The following PDE1C variants were observed in gnomAD, a reference collection of about 807,000 sequenced individuals.
PDE1C encodes dual specificity calcium/calmodulin-dependent 3',5'-cyclic nucleotide phosphodiesterase 1C.
In PDE1C, 62 loss-of-function variants were observed where a neutral mutation model predicts 93.1. The observed-to-expected ratio is 0.67, with a 90% CI of 0.54 to 0.82. PDE1C has a LOEUF of 0.82. PDE1C is among the 40% of genes least tolerant of loss of function. The pLI is 0.00. For missense variants in PDE1C, 742 were observed against 884.6 expected, an observed-to-expected ratio of 0.84 and a Z score of 2.04; for synonymous variants, 325 against 310.1, an observed-to-expected ratio of 1.05 and a Z score of -0.50.
At chr7:32,164,439 A>G (rs1439689563) in intron 3 of PDE1C, among the ~76,000 whole-genome samples, 1 of 152,156 alleles carries the variant, frequency 6.6e-6, no homozygotes, top group East Asian at 1.9e-4. Context: ...TTCACCAACA[A>G]CAAATCTAGA....
intron 1 of PDE1C, among the ~76,000 whole-genome samples, chr7:32,332,151 T>TAC (rs919788276): frequency 5.3e-5 from 8 of 151,912 alleles, no homozygotes; most frequent in East Asian, 3.9e-4. Context: ...GAAATCATTA[T>TAC]ACACACACAC....
intron 1 of PDE1C, among the ~76,000 whole-genome samples, chr7:32,314,914 A>C (rs1464594850): frequency 6.6e-6 from 1 of 151,468 alleles, no homozygotes; most frequent in Non-Finnish European, 1.5e-5. Context: ...TTCACCTCAA[A>C]TTGGACAATA....
chr7:31,650,520 T>C, the PDE1C span, among the ~76,000 whole-genome samples: 3 of 152,232 alleles, frequency 2.0e-5, no homozygotes, highest in African/African-American at 7.2e-5. Context: ...ATTAAAAGCG[T>C]AGACAAAGTT....
At chr7:32,383,875 C>T (rs1297372502) in intron 1 of PDE1C, among the ~76,000 whole-genome samples, 2 of 152,212 alleles carry the variant, frequency 1.3e-5, no homozygotes, top group African/African-American at 2.4e-5. Context: ...TGGCAAGTTG[C>T]TTAACTTCTC....
upstream of PDE1C, chr7:32,071,353 G>T (rs1796041935): frequency 2.0e-6 from 2 of 985,412 alleles, no homozygotes; most frequent in Non-Finnish European, 2.4e-6. Flanking sequence ...CCACAGAACC[G>T]GATCCATTTT....
chr7:31,906,699 G>GT (rs1160642382), intron 2 of PDE1C, among the ~76,000 whole-genome samples: 1 of 152,166 alleles, frequency 6.6e-6, no homozygotes, highest in Non-Finnish European at 1.5e-5. Flanking sequence ...TAGCCCAGGA[G>GT]TCTAGCATGT....
At chr7:32,255,036 C>A (rs1809681565) in intron 1 of PDE1C, among the ~76,000 whole-genome samples, 1 of 152,184 alleles carries the variant, frequency 6.6e-6, no homozygotes, top group Admixed American at 6.5e-5. Flanking sequence ...AAACATGAAC[C>A]TTTCCCCATT....
intron 1 of PDE1C, among the ~76,000 whole-genome samples, chr7:32,230,944 T>C (rs533740813): frequency 6.6e-6 from 1 of 152,320 alleles, no homozygotes; most frequent in East Asian, 1.9e-4. Context: ...TGGAGTCCAA[T>C]TTTTATAAAG....
chr7:31,961,305 T>C (rs1380880153), intron 2 of PDE1C, among the ~76,000 whole-genome samples: 2 of 151,878 alleles, frequency 1.3e-5, no homozygotes, highest in African/African-American at 4.8e-5. Flanking sequence ...TATGCACACA[T>C]ATATTTACAC....
At chr7:32,263,748 AC>A (rs1810387777) in intron 1 of PDE1C, among the ~76,000 whole-genome samples, 1 of 151,854 alleles carries the variant, frequency 6.6e-6, no homozygotes, top group African/African-American at 2.4e-5. Context: ...TTAAGAATAC[AC>A]CCTCCCCCCA....
exon 1 of PDE1C, chr7:32,299,243 G>A: frequency 7.1e-6 from 7 of 987,842 alleles, no homozygotes; most frequent in Non-Finnish European, 8.4e-6. Flanking sequence ...GGCAGACCGG[G>A]GAGCTTCCAG....
At chr7:32,121,087 C>T (rs1256878250) in intron 3 of PDE1C, among the ~76,000 whole-genome samples, 1 of 152,008 alleles carries the variant, frequency 6.6e-6, no homozygotes, top group Non-Finnish European at 1.5e-5. Flanking sequence ...GAAGCATACA[C>T]AAGTATCAAT....
At chr7:31,654,378 G>C in the PDE1C span, among the ~76,000 whole-genome samples, 5 of 152,190 alleles carry the variant, frequency 3.3e-5, no homozygotes, top group African/African-American at 1.2e-4. Context: ...GAGGGGATCG[G>C]TCAGACTATA....
intron 1 of PDE1C, among the ~76,000 whole-genome samples, chr7:32,234,721 A>G (rs1807947825): frequency 6.6e-6 from 1 of 151,990 alleles, no homozygotes; most frequent in South Asian, 2.1e-4. Flanking sequence ...ATTCTACACA[A>G]TTTCTTCCAG....
intron 1 of PDE1C, among the ~76,000 whole-genome samples, chr7:32,335,869 T>C (rs1044957682): frequency 2.9e-4 from 44 of 152,032 alleles, no homozygotes; most frequent in Admixed American, 2.7e-3. Flanking sequence ...TCTGGGTCCA[T>C]AGGCATGCAC....
At chr7:31,981,247 A>G (rs2129059587) in intron 2 of PDE1C, among the ~76,000 whole-genome samples, 1 of 152,264 alleles carries the variant, frequency 6.6e-6, no homozygotes, top group South Asian at 2.1e-4. Flanking sequence ...ACCTATATAA[A>G]TCTGGGGATG....
the PDE1C span, among the ~76,000 whole-genome samples, chr7:31,720,149 A>G: frequency 1.7e-3 from 227 of 137,298 alleles, no homozygotes; most frequent in African/African-American, 5.8e-3. Context: ...CGGCCTGGGC[A>G]ACAGAGCGAG....
intron 3 of PDE1C, among the ~76,000 whole-genome samples, chr7:32,158,318 G>T (rs1562532978): frequency 6.6e-6 from 1 of 152,120 alleles, no homozygotes; most frequent in Non-Finnish European, 1.5e-5. Context: ...TCTAAATGAG[G>T]ACAAGCATGT....
intron 1 of PDE1C, among the ~76,000 whole-genome samples, chr7:32,293,106 G>A (rs1334800228): frequency 1.3e-5 from 2 of 152,190 alleles, no homozygotes; most frequent in African/African-American, 2.4e-5. Context: ...TTCAGGCAAA[G>A]GGAAGGGACA....
Sources: gnomAD v4.1 joint callset for allele counts (sites outside exome capture counted in the v4.1 genomes callset) on GRCh38, gnomAD v4.1.1 for gene constraint, MANE v1.5 for transcripts, NCBI Gene and HGNC (gene_info 2026-07-23, HGNC 2026-07-21) for gene names.